DOCK3: variants seen among roughly 807,000 people sequenced by gnomAD.
DOCK3 encodes the protein dedicator of cytokinesis 3, also known as dedicator of cytokinesis protein 3.
DOCK3 carries 60 observed loss-of-function variants against 265.6 expected under a neutral mutation model. That is an observed-to-expected ratio of 0.23 (90% CI 0.18 to 0.28). The LOEUF (loss-of-function observed/expected upper bound fraction) is 0.28, where lower values mean the gene tolerates loss of function less well. Among genes scored for constraint, DOCK3 ranks in the 10% least tolerant of loss-of-function variants. The pLI, the probability that DOCK3 is intolerant of heterozygous loss-of-function variation, is 1.00. For synonymous variants in DOCK3, 881 were observed against 938.0 expected (o/e 0.94, Z 1.11); for missense variants, 1,981 against 2,594.3 (o/e 0.76, Z 5.14).
At chr3:50,730,882 G>C (rs574274260) in intron 1 of DOCK3, among the ~76,000 whole-genome samples, 5 of 151,806 alleles carry the variant, frequency 3.3e-5, no homozygotes, top group Non-Finnish European at 7.4e-5. Context: ...TGTAATCCCA[G>C]CACTTTGGGA....
chr3:51,354,620 T>C (rs2086238044), intron 40 of DOCK3, among the ~76,000 whole-genome samples: 1 of 152,190 alleles, frequency 6.6e-6, no homozygotes. Context: ...CCCACCTTGC[T>C]CTCTTTCCTG....
chr3:51,194,100 G>A (rs923884468), intron 12 of DOCK3, among the ~76,000 whole-genome samples: 12 of 151,864 alleles, frequency 7.9e-5, no homozygotes, highest in African/African-American at 2.9e-4. Flanking sequence ...GGTATGTTGT[G>A]TTCCTGTTTT....
chr3:51,239,582 T>G (rs951124960), intron 21 of DOCK3, among the ~76,000 whole-genome samples: 2 of 147,998 alleles, frequency 1.4e-5, no homozygotes, highest in African/African-American at 5.1e-5. Context: ...TTGTTTTTTG[T>G]TTTTTTTGTT....
chr3:51,045,559 A>G (rs2080743805), intron 5 of DOCK3, among the ~76,000 whole-genome samples: 1 of 152,198 alleles, frequency 6.6e-6, no homozygotes, highest in South Asian at 2.1e-4. Flanking sequence ...AGGGTTGCCT[A>G]GTTTTGCAAT....
At chr3:50,831,138 C>A (rs1026152589) in intron 2 of DOCK3, among the ~76,000 whole-genome samples, 1 of 151,588 alleles carries the variant, frequency 6.6e-6, no homozygotes, top group African/African-American at 2.4e-5. Context: ...ATTTTCATTG[C>A]CATCTTGGTT....
At chr3:51,220,521 G>A (rs569690805) in intron 14 of DOCK3, among the ~76,000 whole-genome samples, 1 of 151,618 alleles carries the variant, frequency 6.6e-6, no homozygotes, top group African/African-American at 2.4e-5. Flanking sequence ...GCTCGGCATG[G>A]TGGCAGGAGC....
chr3:51,220,172 A>G (rs2090001225), intron 14 of DOCK3, among the ~76,000 whole-genome samples: 1 of 152,138 alleles, frequency 6.6e-6, no homozygotes, highest in Admixed American at 6.5e-5. Context: ...GGTAGCTAAC[A>G]TCTCTACATT....
At chr3:51,152,328 G>GGA (rs1487058566) in intron 10 of DOCK3, among the ~76,000 whole-genome samples, 5 of 152,094 alleles carry the variant, frequency 3.3e-5, no homozygotes, top group Non-Finnish European at 7.4e-5. Context: ...CTCGAGCCAT[G>GGA]GTTTTCAGCT....
In DOCK3 at chr3:51,165,318, T is replaced by C. The variant is rs571370272; in HGVS notation, c.1037+4616T>C. 3.3e-5 allele frequency among the ~76,000 whole-genome samples: 5 copies of C among 152,326 alleles called. No individual in the cohort carries two copies. The South Asian group carries it at 8.3e-4, about 25-fold the overall frequency. ...ATCCCCTAGCCTTATTGAGTTATAA[T>C]TGACAAATAAAAAATTGTGCACATT... On this transcript the variant is annotated intron_variant, in intron 12 of 52. Transcript: ENST00000266037.
intron 1 of DOCK3, among the ~76,000 whole-genome samples, chr3:50,763,937 G>A (rs961619708): frequency 6.6e-6 from 1 of 152,122 alleles, no homozygotes; most frequent in Non-Finnish European, 1.5e-5. Context: ...AATGCTAATG[G>A]TCTTGAACAA....
chr3:50,836,998 C>T (rs2045549132), intron 2 of DOCK3, among the ~76,000 whole-genome samples: 2 of 152,186 alleles, frequency 1.3e-5, no homozygotes, highest in South Asian at 4.1e-4. Context: ...TCTGAGACCA[C>T]CTCAGCCTGG....
intron 38 of DOCK3, among the ~76,000 whole-genome samples, chr3:51,344,395 C>T (rs1313288918): frequency 7.2e-5 from 11 of 152,130 alleles, no homozygotes; most frequent in Non-Finnish European, 1.0e-4. Flanking sequence ...CCAAGGTGGG[C>T]GGATCACTTG....
intron 4 of DOCK3, among the ~76,000 whole-genome samples, chr3:50,917,588 A>T (rs879325806): frequency 6.6e-6 from 1 of 151,954 alleles, no homozygotes; most frequent in Non-Finnish European, 1.5e-5. Flanking sequence ...TGTGTTTTTT[A>T]AAATTTTTCT....
At chr3:50,812,413 C>T (rs759496813) in intron 2 of DOCK3, among the ~76,000 whole-genome samples, 3 of 152,120 alleles carry the variant, frequency 2.0e-5, no homozygotes, top group Non-Finnish European at 4.4e-5. Context: ...TCAAGAGAAG[C>T]GTTTTGTGTG....
Position 51,362,670 on chromosome 3 carries a change from C to G in DOCK3, c.5289C>G (p.Ala1763=). The change falls in exon 49 of 53, where the codon GCC becomes GCG. Residue 1763 remains alanine (A), a synonymous_variant. Coordinates refer to ENST00000266037, the MANE Select transcript of DOCK3 (RefSeq NM_004947.5). ...SQMITSAPSS[A]RGSPSLPDKY... is the part of the protein sequence containing the mutation. ...TGATTACCTCTGCCCCTTCCAGTGC[C>G]CGAGGTAAGGATGGCAGGGTGCTAC... The G allele has an allele frequency of 6.2e-7, 1 of 1,613,266 alleles. No homozygotes were observed. The highest frequency in any genetic ancestry group is 8.5e-7 in the Non-Finnish European group (1 of 1,179,616).
At chr3:50,981,593 A>G (rs1416204211) in intron 5 of DOCK3, among the ~76,000 whole-genome samples, 1 of 152,204 alleles carries the variant, frequency 6.6e-6, no homozygotes, top group Non-Finnish European at 1.5e-5. Flanking sequence ...CTTTAGATCT[A>G]ATAATATTTG....
intron 1 of DOCK3, among the ~76,000 whole-genome samples, chr3:50,725,367 G>C (rs1177965597): frequency 1.3e-5 from 2 of 152,176 alleles, no homozygotes; most frequent in Admixed American, 6.5e-5. Flanking sequence ...CACAAGCACT[G>C]TTCCTAAACA....
At chr3:50,996,242 G>A (rs1455683450) in intron 5 of DOCK3, among the ~76,000 whole-genome samples, 1 of 149,300 alleles carries the variant, frequency 6.7e-6, no homozygotes, top group Non-Finnish European at 1.5e-5. Context: ...TTTTTTGACA[G>A]AGTCTCGCTC....
chr3:50,854,322 T>C (rs1318376382), intron 3 of DOCK3, among the ~76,000 whole-genome samples: 1 of 152,090 alleles, frequency 6.6e-6, no homozygotes, highest in Non-Finnish European at 1.5e-5. Flanking sequence ...CCCATTTGTC[T>C]ATTTTTGTTT....
Sources: gnomAD v4.1 joint callset for allele counts (sites outside exome capture counted in the v4.1 genomes callset) on GRCh38, gnomAD v4.1.1 for gene constraint, MANE v1.5 for transcripts, NCBI Gene and HGNC (gene_info 2026-07-23, HGNC 2026-07-21) for gene names.